Variants in PHLPP2 observed in about 807,000 individuals in gnomAD.
The protein encoded by PHLPP2 is PH domain and leucine rich repeat protein phosphatase 2, also known as PH domain leucine-rich repeat-containing protein phosphatase 2.
A neutral mutation model predicts 124.9 loss-of-function variants in PHLPP2; 66 were observed. That is an observed-to-expected ratio of 0.53 (90% CI 0.43 to 0.65). PHLPP2 has a LOEUF of 0.65. Ranked by LOEUF, PHLPP2 falls within the 30% of genes least tolerant of loss-of-function variation. The pLI, the probability that PHLPP2 is intolerant of heterozygous loss-of-function variation, is 0.00. For missense variants in PHLPP2, 1,685 were observed against 1,600.4 expected (o/e 1.05, Z -0.90); for synonymous variants, 681 against 624.7 (o/e 1.09, Z -1.34).
intron 4 of PHLPP2, among the ~76,000 whole-genome samples, chr16:71,690,140 T>C (rs1471235281): frequency 6.6e-6 from 1 of 152,146 alleles, no homozygotes; most frequent in African/African-American, 2.4e-5. Context: ...AACTTATGAC[T>C]ACCTCAGACT....
At chr16:71,698,223 T>TTG (rs1324576823) in intron 3 of PHLPP2, among the ~76,000 whole-genome samples, 3 of 152,152 alleles carry the variant, frequency 2.0e-5, no homozygotes, top group Non-Finnish European at 2.9e-5. Context: ...GGCCCGCCAC[T>TTG]TGTCCAGAGG....
chr16:71,705,344 T>C (rs1433922893), intron 2 of PHLPP2, among the ~76,000 whole-genome samples: 1 of 152,164 alleles, frequency 6.6e-6, no homozygotes, highest in Non-Finnish European at 1.5e-5. Context: ...ACAATTATAC[T>C]TTCAGGCTAA....
chr16:71,692,997 T>C (rs1327087374), intron 3 of PHLPP2, among the ~76,000 whole-genome samples: 4 of 152,062 alleles, frequency 2.6e-5, no homozygotes, highest in Non-Finnish European at 5.9e-5. Context: ...TCACTTAAAA[T>C]TCAACATGCC....
At chr16:71,653,121 AC>A in intron 17 of PHLPP2, 100 bp from the exon 18 acceptor site, 1 of 593,324 alleles carries the variant, frequency 1.7e-6, no homozygotes. Flanking sequence ...TTTTTTTTTT[AC>A]CATGTGATCG....
intron 3 of PHLPP2, among the ~76,000 whole-genome samples, chr16:71,697,157 A>G (rs751634160): frequency 8.6e-5 from 13 of 151,176 alleles, no homozygotes; most frequent in Non-Finnish European, 1.8e-4. Flanking sequence ...TGGGCGACAG[A>G]GCAAGACTCT....
At chr16:71,698,523 C>T (rs2045196900) in intron 3 of PHLPP2, 3 of 711,474 alleles carry the variant, frequency 4.2e-6, no homozygotes, top group South Asian at 2.7e-5. Context: ...GGAGCCTAGA[C>T]TGGGGATAGC....
At chr16:71,666,302 G>A (rs1243003661) in intron 12 of PHLPP2, 1 of 152,240 alleles carries the variant, frequency 6.6e-6, no homozygotes, top group Non-Finnish European at 1.5e-5. Context: ...GATCACTTGA[G>A]TCCAGGAGTT....
intron 13 of PHLPP2, among the ~76,000 whole-genome samples, chr16:71,662,540 T>C (rs1436084882): frequency 6.6e-6 from 1 of 152,160 alleles, no homozygotes; most frequent in Admixed American, 6.5e-5. Flanking sequence ...GTTTCTCCTG[T>C]ATGTCTTCTG....
At chr16:71,655,175 G>T in intron 17 of PHLPP2, 65 bp downstream of exon 17, 1 of 1,095,546 alleles carries the variant, frequency 9.1e-7, no homozygotes, top group South Asian at 1.3e-5. Flanking sequence ...CTGACCTTCT[G>T]GTTTAGAAAA....
At chr16:71,661,913 T>C (rs2044795149) in intron 13 of PHLPP2, among the ~76,000 whole-genome samples, 2 of 151,834 alleles carry the variant, frequency 1.3e-5, no homozygotes, top group Admixed American at 1.3e-4. Context: ...AACCTCTGCC[T>C]CCGGGGTTCA....
At chr16:71,671,584 G>A (rs747817462) in intron 10 of PHLPP2, among the ~76,000 whole-genome samples, 8 of 151,608 alleles carry the variant, frequency 5.3e-5, no homozygotes, top group Non-Finnish European at 1.2e-4. Flanking sequence ...ACCAACATGA[G>A]TTATAGGAGT....
chr16:71,719,060 T>A (rs1279507366), intron 1 of PHLPP2, among the ~76,000 whole-genome samples: 1 of 152,212 alleles, frequency 6.6e-6, no homozygotes, highest in Non-Finnish European at 1.5e-5. Context: ...GGACTGCAGA[T>A]GACACGGTCC....
intron 3 of PHLPP2, among the ~76,000 whole-genome samples, chr16:71,694,109 G>A (rs754711435): frequency 6.6e-6 from 1 of 152,212 alleles, no homozygotes; most frequent in East Asian, 1.9e-4. Context: ...CAGGAGAATC[G>A]ATTGCACCAG....
At chr16:71,720,093 C>T (rs2045389059) in intron 1 of PHLPP2, among the ~76,000 whole-genome samples, 1 of 150,960 alleles carries the variant, frequency 6.6e-6, no homozygotes, top group Admixed American at 6.6e-5. Context: ...CCTCAGCCTC[C>T]CGAGTAGCTG....
chr16:71,667,321 G>A lies in PHLPP2; in HGVS notation c.1641C>T (p.Ser547=). Reference sequence around the variant, plus strand: ...CCAGCATCAGTTTTCTAAGACTCAAGCTACTCAGAATTCTAAGGGGGGAGC... The same window carrying A: ...CCAGCATCAGTTTTCTAAGACTCAAACTACTCAGAATTCTAAGGGGGGAGC... ...LTEVPVRILS[S]LSLRKLMLGH... The change falls in exon 12 of 19, where the codon AGC becomes AGT. Residue 547 remains serine, a synonymous_variant. Transcript: ENST00000568954. 9 of 1,612,504 alleles carry A rather than the reference G, an allele frequency of 5.6e-6. 1 individual carries two copies. In the South Asian group the frequency reaches 8.8e-5, roughly 16 times the overall value.
Position 71,684,401 on chromosome 16 carries a change from C to T in PHLPP2, c.735+75G>A, listed in dbSNP as rs2045032816. 27 of 1,499,366 alleles carry T rather than the reference C, an allele frequency of 1.8e-5. No individual in the cohort carries two copies. In the South Asian group the frequency reaches 3.0e-4, roughly 17 times the overall value. The allele number at this position is 1,499,366 out of a possible 1,614,324, so 92.9% of individuals were successfully genotyped here. ...TCGGCCTCCCAAAGTGCTGGGATTA[C>T]AGACGTGAGCCACCACGCCCGGCCT... On this transcript the variant is annotated intron_variant, in intron 5 of 18. Transcript: ENST00000568954.
Position 71,655,220 on chromosome 16 carries a change from T to C in PHLPP2, c.2585+20A>G. On this transcript the variant is annotated intron_variant, in intron 17 of 18. Transcript: ENST00000568954. Reference sequence around the variant, plus strand: ...CCAAAAGTAGAACTGAGTTAGGGATTTTTCAACCCACCTGCTTACCTGTGA... The same window carrying C: ...CCAAAAGTAGAACTGAGTTAGGGATCTTTCAACCCACCTGCTTACCTGTGA... 2 of 1,574,292 alleles carry C rather than the reference T, an allele frequency of 1.3e-6. No individual in the cohort carries two copies. Among genetic ancestry groups the C allele is most frequent in the Non-Finnish European group, 1.7e-6 (2 of 1,144,660 alleles).
chr16:71,658,190 G>A, intron 15 of PHLPP2, 43 bp downstream of exon 15: 1 of 1,570,310 alleles, frequency 6.4e-7, no homozygotes, highest in Non-Finnish European at 8.7e-7. Flanking sequence ...CATGGCTGGT[G>A]GGCTAAGAGC....
At chr16:71,709,482 C>T (rs928552650) in intron 2 of PHLPP2, among the ~76,000 whole-genome samples, 1 of 152,118 alleles carries the variant, frequency 6.6e-6, no homozygotes, top group Non-Finnish European at 1.5e-5. Context: ...ATTTCGATGA[C>T]TAAGAATAAA....
Sources: allele counts gnomAD v4.1 joint callset (sites outside exome capture counted in the v4.1 genomes callset), GRCh38; gene constraint gnomAD v4.1.1; transcripts MANE v1.5; gene names NCBI Gene and HGNC (gene_info 2026-07-23, HGNC 2026-07-21).